Variants in TTI1 observed in about 807,000 individuals in gnomAD.
The protein encoded by TTI1 is TELO2 interacting protein 1.
TTI1 carries 52 observed loss-of-function variants against 85.4 expected under a neutral mutation model. The observed-to-expected ratio is 0.61, with a 90% CI of 0.49 to 0.77. TTI1 has a LOEUF of 0.77. Among genes scored for constraint, TTI1 ranks in the 30% least tolerant of loss-of-function variants. The pLI, the probability that TTI1 is intolerant of heterozygous loss-of-function variation, is 0.00. For synonymous variants in TTI1, 512 were observed against 503.9 expected (o/e 1.02, Z -0.22); for missense variants, 1,173 against 1,296.0 (o/e 0.91, Z 1.46).
chr20:38,029,068 C>T (rs796267952), intron 1 of TTI1, among the ~76,000 whole-genome samples: 1 of 152,074 alleles, frequency 6.6e-6, no homozygotes, highest in African/African-American at 2.4e-5. Context: ...TAAAACAAAC[C>T]TCAACAAATT....
At chr20:37,999,352 G>C (rs2073388318) in intron 4 of TTI1, 24 bp from the exon 5 acceptor site, 3 of 1,380,172 alleles carry the variant, frequency 2.2e-6, no homozygotes, top group Non-Finnish European at 1.9e-6. Context: ...GATTTCAGCA[G>C]ATGGTATAGG....
At chr20:38,017,211 A>G (rs567688949) in intron 1 of TTI1, among the ~76,000 whole-genome samples, 1 of 152,342 alleles carries the variant, frequency 6.6e-6, no homozygotes, top group East Asian at 1.9e-4. Context: ...CAAGCCCTCA[A>G]AAACATCTGT....
chr20:37,994,945 G>A (rs1307315159), intron 7 of TTI1, among the ~76,000 whole-genome samples: 1 of 152,258 alleles, frequency 6.6e-6, no homozygotes, highest in Non-Finnish European at 1.5e-5. Flanking sequence ...ATGGGATGGA[G>A]TGGGTGTAGG....
At chr20:37,988,833 C>T (rs890295635) in intron 7 of TTI1, among the ~76,000 whole-genome samples, 4 of 151,730 alleles carry the variant, frequency 2.6e-5, no homozygotes, top group Non-Finnish European at 5.9e-5. Flanking sequence ...TTGGTGTTCC[C>T]GTTGTTCCCT....
intron 7 of TTI1, among the ~76,000 whole-genome samples, chr20:37,988,013 T>C (rs774304871): frequency 6.6e-6 from 1 of 152,348 alleles, no homozygotes; most frequent in South Asian, 2.1e-4. Flanking sequence ...TATCTCTTCA[T>C]GGTTTATCAA....
intron 4 of TTI1, among the ~76,000 whole-genome samples, chr20:38,000,062 G>A (rs976591150): frequency 2.0e-5 from 3 of 152,204 alleles, no homozygotes; most frequent in African/African-American, 7.2e-5. Flanking sequence ...GCGTGATGGC[G>A]GCAGAGGAGA....
chr20:37,983,747 T>C (rs2122465121), intron 7 of TTI1, 108 bp from the exon 8 acceptor site: 2 of 1,051,216 alleles, frequency 1.9e-6, no homozygotes, highest in South Asian at 4.7e-5. Context: ...AAGAAACTGA[T>C]AACAATATCA....
chr20:37,987,338 G>A (rs2073204357), intron 7 of TTI1: 1 of 456,772 alleles, frequency 2.2e-6, no homozygotes. Flanking sequence ...CTGCTTTGAA[G>A]TGACTGGGGT....
chr20:38,010,071 G>A (rs574985196), intron 2 of TTI1, among the ~76,000 whole-genome samples: 2 of 152,184 alleles, frequency 1.3e-5, no homozygotes, highest in South Asian at 2.1e-4. Flanking sequence ...CTTTTTCTCT[G>A]CTCTATCTTC....
At chr20:37,990,909 GGAA>G (rs2073255556) in intron 7 of TTI1, among the ~76,000 whole-genome samples, 1 of 152,188 alleles carries the variant, frequency 6.6e-6, no homozygotes. Flanking sequence ...ACAACACCAA[GGAA>G]GAAGGGACAG....
At position 38,006,325 on chromosome 20, in the gene TTI1, A is replaced by G; in HGVS notation, c.2375T>C (p.Leu792Ser). 6.2e-7 allele frequency: 1 copy of G among 1,614,230 alleles called. No individual in the cohort carries two copies. The highest frequency in any genetic ancestry group is 8.5e-7 in the Non-Finnish European group (1 of 1,180,044). Residue 792 changes from leucine (L) to serine (S), a missense_variant, in exon 3 of 8, where the codon TTG becomes TCG. Coordinates refer to ENST00000373447, the MANE Select transcript of TTI1 (RefSeq NM_001303457.2). ...CTCAAGAGCTGCTGGTCTTTGGTTC[A>G]AATGACTTCCCTCTTCTCCTAAACT... ...EQSLGEEGSH[L>S]NQRPAALEKS...
At position 38,023,387 on chromosome 20, in the gene TTI1, G is replaced by A. The variant is rs148172854; in HGVS notation, c.-41-9530C>T. On this transcript the variant is annotated intron_variant, in intron 1 of 7. Transcript: ENST00000373447. ...ACGGAATCAGAATCAATGTGGTGGG[G>A]GAGCAGATATGCTTGGGAATCTACA... 6.9e-3 allele frequency among the ~76,000 whole-genome samples: 1,055 copies of A among 152,342 alleles called. 5 individuals carry two copies. The highest frequency in any genetic ancestry group is 0.02 in the African/African-American group (838 of 41,572).
In TTI1 at chr20:38,012,983, A is replaced by G. The variant is rs777122946; in HGVS notation, c.834T>C (p.Asp278=). ...VAELMVYREA[D]WVKKTGDKLT... is the part of the protein sequence containing the mutation. ...ACTTGTCGCCAGTCTTTTTTACCCA[A>G]TCTGCTTCCCTGTAAACCATCAGCT... Residue 278 remains aspartate (D), a synonymous_variant, in exon 2 of 8, where the codon GAT becomes GAC. Transcript: ENST00000373447. The G allele has an allele frequency of 8.7e-6, 14 of 1,613,978 alleles. No homozygotes were observed. The highest frequency in any genetic ancestry group is 8.5e-6 in the Non-Finnish European group (10 of 1,180,014).
intron 2 of TTI1, 136 bp from the exon 3 acceptor site, chr20:38,006,533 A>G: frequency 1.1e-6 from 1 of 898,882 alleles, no homozygotes; most frequent in Non-Finnish European, 1.7e-6. Flanking sequence ...CCGGCCTCCC[A>G]GTTGCCCATT....
chr20:38,003,556 C>T (rs1324719180), intron 3 of TTI1, among the ~76,000 whole-genome samples: 1 of 152,026 alleles, frequency 6.6e-6, no homozygotes, highest in Non-Finnish European at 1.5e-5. Context: ...AGTTTGAGAC[C>T]AGCCTGACCA....
At chr20:38,027,655 G>A (rs2073853050) in intron 1 of TTI1, among the ~76,000 whole-genome samples, 1 of 152,232 alleles carries the variant, frequency 6.6e-6, no homozygotes, top group Admixed American at 6.5e-5. Context: ...GCTGGGCCCA[G>A]TGGCTCACGC....
intron 7 of TTI1, among the ~76,000 whole-genome samples, chr20:37,988,342 C>A (rs922845478): frequency 6.6e-6 from 1 of 152,200 alleles, no homozygotes; most frequent in African/African-American, 2.4e-5. Flanking sequence ...TTACTCACCC[C>A]ACCCCACAAT....
intron 1 of TTI1, among the ~76,000 whole-genome samples, chr20:38,020,929 C>G (rs1044509630): frequency 1.3e-5 from 2 of 152,182 alleles, no homozygotes; most frequent in African/African-American, 4.8e-5. Context: ...GTACGGAAAA[C>G]TCGTTGGCAG....
intron 7 of TTI1, among the ~76,000 whole-genome samples, chr20:37,988,747 C>T (rs1053929600): frequency 6.6e-6 from 1 of 152,220 alleles, no homozygotes; most frequent in East Asian, 1.9e-4. Context: ...TACAGGCTCT[C>T]TCTATGTGGG....
Sources: allele counts gnomAD v4.1 joint callset (sites outside exome capture counted in the v4.1 genomes callset), GRCh38; gene constraint gnomAD v4.1.1; transcripts MANE v1.5; gene names NCBI Gene and HGNC (gene_info 2026-07-23, HGNC 2026-07-21).